Variants in VWA3B observed in about 807,000 individuals in gnomAD.
VWA3B encodes the protein von Willebrand factor A domain-containing protein 3B.
In VWA3B, 138 loss-of-function variants were observed where a neutral mutation model predicts 158.3. The observed-to-expected ratio is 0.87, with a 90% CI of 0.76 to 1.00. VWA3B has a LOEUF of 1.00. Ranked by LOEUF, VWA3B falls within the 50% of genes least tolerant of loss-of-function variation. The probability of loss-of-function intolerance (pLI) is 0.00; values close to 1 mark genes in which losing one functional copy is unlikely to be tolerated. For missense variants in VWA3B, 1,555 were observed against 1,565.1 expected, an observed-to-expected ratio of 0.99 and a Z score of 0.11; for synonymous variants, 596 against 587.3, an observed-to-expected ratio of 1.01 and a Z score of -0.21.
chr2:98,089,537 A>G (rs1682120088), intron 1 of VWA3B, among the ~76,000 whole-genome samples: 1 of 152,026 alleles, frequency 6.6e-6, no homozygotes, highest in Non-Finnish European at 1.5e-5. Flanking sequence ...GAAGGGGGCT[A>G]CGTCCCGGCT....
chr2:98,107,680 T>C (rs1286491805), intron 2 of VWA3B, among the ~76,000 whole-genome samples: 1 of 152,130 alleles, frequency 6.6e-6, no homozygotes, highest in African/African-American at 2.4e-5. Context: ...TATTCTATTA[T>C]TCTTTTGATG....
intron 14 of VWA3B, among the ~76,000 whole-genome samples, chr2:98,220,698 T>G (rs1283696410): frequency 2.6e-5 from 4 of 152,084 alleles, no homozygotes; most frequent in Non-Finnish European, 5.9e-5. Flanking sequence ...CAATTCACAA[T>G]AGCAAAGACA....
At chr2:98,252,495 C>T (rs1011253393) in intron 20 of VWA3B, among the ~76,000 whole-genome samples, 4 of 152,032 alleles carry the variant, frequency 2.6e-5, no homozygotes, top group Admixed American at 6.6e-5. Context: ...AGATGGTTCG[C>T]GGGGGTTTCC....
At chr2:98,203,130 C>T (rs189052756) in intron 12 of VWA3B, among the ~76,000 whole-genome samples, 27 of 152,310 alleles carry the variant, frequency 1.8e-4, no homozygotes, top group Admixed American at 1.2e-3. Flanking sequence ...CACACCCGGC[C>T]GGTTTATTTA....
chr2:98,281,387 C>G (rs1014395462), intron 22 of VWA3B, among the ~76,000 whole-genome samples: 4 of 152,176 alleles, frequency 2.6e-5, no homozygotes, highest in African/African-American at 9.7e-5. Context: ...AGAGCAGTGA[C>G]AGACTTTACA....
intron 14 of VWA3B, among the ~76,000 whole-genome samples, chr2:98,221,087 T>C (rs1684461163): frequency 6.6e-6 from 1 of 151,944 alleles, no homozygotes; most frequent in African/African-American, 2.4e-5. Flanking sequence ...TTTACCTATG[T>C]AACAAACCTG....
At chr2:98,111,643 A>G (rs1293584383) in intron 2 of VWA3B, among the ~76,000 whole-genome samples, 1 of 152,050 alleles carries the variant, frequency 6.6e-6, no homozygotes, top group African/African-American at 2.4e-5. Context: ...CATTTCTCTG[A>G]TGATTAGTGA....
chr2:98,181,298 G>T, intron 9 of VWA3B, 86 bp downstream of exon 9: 5 of 1,443,914 alleles, frequency 3.5e-6, no homozygotes, highest in Non-Finnish European at 4.8e-6. Context: ...GAAGGCAGGG[G>T]AAGGGGCAGC....
chr2:98,144,933 C>T (rs1236733568), intron 7 of VWA3B, among the ~76,000 whole-genome samples: 2 of 152,208 alleles, frequency 1.3e-5, no homozygotes, highest in Non-Finnish European at 2.9e-5. Flanking sequence ...GCTACAATGC[C>T]CTTGGCTCAC....
chr2:98,234,572 A>G (rs1685550512), intron 16 of VWA3B, 76 bp from the exon 17 acceptor site: 1 of 1,592,430 alleles, frequency 6.3e-7, no homozygotes. Context: ...TAAGGAGCTG[A>G]TAAAATAGTT....
At chr2:98,256,676 T>C (rs942442585) in intron 21 of VWA3B, among the ~76,000 whole-genome samples, 5 of 152,204 alleles carry the variant, frequency 3.3e-5, no homozygotes, top group African/African-American at 9.7e-5. Context: ...TTTGTGGACA[T>C]ATGTTTTCAT....
At chr2:98,275,509 G>A (rs1249097742) in intron 22 of VWA3B, among the ~76,000 whole-genome samples, 1 of 152,222 alleles carries the variant, frequency 6.6e-6, no homozygotes, top group Admixed American at 6.5e-5. Flanking sequence ...TAGAAGGCCT[G>A]AGTAGCGTCA....
intron 19 of VWA3B, among the ~76,000 whole-genome samples, chr2:98,248,833 TTC>T (rs757313743): frequency 4.6e-5 from 1 of 21,508 alleles, no homozygotes; most frequent in African/African-American, 5.8e-4. Context: ...TTTTCTTTCT[TTC>T]TTTCTTTCTT....
intron 9 of VWA3B, among the ~76,000 whole-genome samples, chr2:98,187,380 T>A (rs1353148624): frequency 2.6e-5 from 4 of 151,916 alleles, no homozygotes; most frequent in Non-Finnish European, 5.9e-5. Context: ...TGAGTGCCTG[T>A]GGGCCAAGTC....
intron 19 of VWA3B, among the ~76,000 whole-genome samples, chr2:98,239,280 T>C (rs1043132958): frequency 6.6e-6 from 1 of 152,236 alleles, no homozygotes; most frequent in African/African-American, 2.4e-5. Context: ...TATAATGGCA[T>C]GTCATACATT....
intron 26 of VWA3B, 91 bp downstream of exon 26, chr2:98,303,893 A>G (rs1690353737): frequency 8.1e-7 from 1 of 1,228,896 alleles, no homozygotes; most frequent in African/African-American, 1.5e-5. Context: ...ACCTCTAAAT[A>G]CTAGGGAAGA....
rs1033560473 is a variant in VWA3B at position 98,128,112 on chromosome 2, G to A, written c.703-127G>A. The A allele has an allele frequency of 4.3e-6, 5 of 1,156,006 alleles. No homozygotes were observed. The African/African-American group carries it at 6.2e-5, about 14-fold the overall frequency. The allele number at this position is 1,156,006 out of a possible 1,614,324, so 71.6% of individuals were successfully genotyped here. A position where few individuals can be genotyped will look rare whatever the true frequency, so the allele number is the denominator to read the frequency against. ...CCCTGATGTCCTCAGAAAACCCTGG[G>A]CAGGGCTGCTATTCTTTCTGCCCAT... On this transcript the variant is annotated intron_variant, in intron 5 of 27. Coordinates refer to ENST00000477737, the MANE Select transcript of VWA3B (RefSeq NM_144992.5).
chr2:98,218,820 CA>C (rs1684246279), intron 14 of VWA3B, among the ~76,000 whole-genome samples: 1 of 152,088 alleles, frequency 6.6e-6, no homozygotes, highest in Non-Finnish European at 1.5e-5. Context: ...ATGAATCATC[CA>C]AAAAACATTG....
chr2:98,323,818 A>G, the VWA3B span, among the ~76,000 whole-genome samples: 2 of 152,248 alleles, frequency 1.3e-5, no homozygotes, highest in Non-Finnish European at 2.9e-5. Flanking sequence ...AGAATTGTAT[A>G]TGCAGTAAAA....
Sources: gnomAD v4.1 joint callset for allele counts (sites outside exome capture counted in the v4.1 genomes callset) on GRCh38, gnomAD v4.1.1 for gene constraint, MANE v1.5 for transcripts, NCBI Gene and HGNC (gene_info 2026-07-23, HGNC 2026-07-21) for gene names.